The following NXPE4 variants were observed in gnomAD, a reference collection of about 807,000 sequenced individuals.
NXPE4 encodes the protein neurexophilin and PC-esterase domain family member 4, also known as NXPE family member 4.
In NXPE4, 42 loss-of-function variants were observed where a neutral mutation model predicts 33.3. That is an observed-to-expected ratio of 1.26 (90% CI 0.98 to 1.63). The LOEUF (loss-of-function observed/expected upper bound fraction) is 1.63, where lower values mean the gene tolerates loss of function less well. Ranked by LOEUF, NXPE4 falls within the 40% of genes most tolerant of loss-of-function variation. NXPE4 has a pLI of 0.00. For missense variants in NXPE4, 709 were observed against 647.6 expected (o/e 1.09, Z -1.03); for synonymous variants, 253 against 234.9 (o/e 1.08, Z -0.71).
At chr11:114,596,626 T>G (rs1384349778), upstream of NXPE4, among the ~76,000 whole-genome samples, 1 of 152,212 alleles carries the variant, frequency 6.6e-6, no homozygotes, top group African/African-American at 2.4e-5. Context: ...TTGATGACCT[T>G]TGGAAAAGCT....
At chr11:114,629,018 T>G in the NXPE4 span, among the ~76,000 whole-genome samples, 1 of 152,002 alleles carries the variant, frequency 6.6e-6, no homozygotes, top group African/African-American at 2.4e-5. Context: ...TCTGAAATTG[T>G]GGCAATAATC....
At chr11:114,616,376 A>G in the NXPE4 span, among the ~76,000 whole-genome samples, 1 of 150,894 alleles carries the variant, frequency 6.6e-6, no homozygotes, top group African/African-American at 2.5e-5. Context: ...ACTGTTACCC[A>G]GTGGAAAATA....
chr11:114,648,544 G>C, the NXPE4 span, among the ~76,000 whole-genome samples: 1 of 152,098 alleles, frequency 6.6e-6, no homozygotes, highest in African/African-American at 2.4e-5. Context: ...CACTCTTATA[G>C]AAACACCCAG....
chr11:114,617,423 G>A, the NXPE4 span, among the ~76,000 whole-genome samples: 19 of 140,236 alleles, frequency 1.4e-4, no homozygotes, highest in South Asian at 9.3e-4. Context: ...CACTGTTACC[G>A]GGTGGATAAT....
chr11:114,642,060 G>C, the NXPE4 span, among the ~76,000 whole-genome samples: 1 of 151,996 alleles, frequency 6.6e-6, no homozygotes, highest in Non-Finnish European at 1.5e-5. Flanking sequence ...AAAGAATACA[G>C]CATGGAAAAG....
chr11:114,584,128 C>A, intron 2 of NXPE4: 1 of 290,160 alleles, frequency 3.4e-6, no homozygotes, highest in Non-Finnish European at 6.8e-6. Flanking sequence ...AGAGTGTCAA[C>A]CTGCCTATGT....
rs549986778 is a variant in NXPE4, at chr11:114,582,563, A to G, written c.555T>C (p.Ser185=). The change falls in exon 3 of 6, where the codon AGT becomes AGC. Residue 185 remains serine, a synonymous_variant. Transcript: ENST00000375478. The part of the protein sequence containing the change: ...VSLSLLLIHP[S]EGVSALWSAR... ...CACTCCAGAGAGCTGACACCCCTTC[A>G]CTGGGGTGGATGAGCAGCAGAGACA... is the stretch of plus-strand genomic sequence containing the variant. 2.0e-5 allele frequency: 32 copies of G among 1,614,124 alleles called. No homozygotes were observed. Among genetic ancestry groups the G allele is most frequent in the South Asian group, 1.5e-4 (14 of 91,060 alleles).
At chr11:114,637,742 T>C in the NXPE4 span, among the ~76,000 whole-genome samples, 2 of 151,626 alleles carry the variant, frequency 1.3e-5, no homozygotes, top group African/African-American at 2.4e-5. Flanking sequence ...TGGCTGGATA[T>C]GAAATTCTGG....
the NXPE4 span, among the ~76,000 whole-genome samples, chr11:114,632,045 A>G: frequency 6.9e-6 from 1 of 144,940 alleles, no homozygotes; most frequent in African/African-American, 2.5e-5. Flanking sequence ...TATAATATAT[A>G]ATTTAATAAT....
intron 5 of NXPE4, among the ~76,000 whole-genome samples, chr11:114,578,468 T>C (rs1357333163): frequency 6.6e-6 from 1 of 152,220 alleles, no homozygotes; most frequent in Admixed American, 6.5e-5. Flanking sequence ...CTGAATTTTG[T>C]AGATGAGGTA....
At chr11:114,591,172 G>T (rs1591353524) in intron 2 of NXPE4, among the ~76,000 whole-genome samples, 1 of 152,180 alleles carries the variant, frequency 6.6e-6, no homozygotes, top group Admixed American at 6.5e-5. Flanking sequence ...TATTGAAAGT[G>T]CACCTCTCTA....
At chr11:114,609,651 G>T in the NXPE4 span, among the ~76,000 whole-genome samples, 1 of 151,494 alleles carries the variant, frequency 6.6e-6, no homozygotes, top group African/African-American at 2.4e-5. Context: ...TGGCCTCGTG[G>T]GTAACGACTA....
chr11:114,660,408 T>C, the NXPE4 span, among the ~76,000 whole-genome samples: 4 of 152,024 alleles, frequency 2.6e-5, no homozygotes, highest in African/African-American at 9.7e-5. Context: ...ATGGATAATA[T>C]ATCCTGACAA....
chr11:114,653,609 G>A, the NXPE4 span, among the ~76,000 whole-genome samples: 1 of 145,420 alleles, frequency 6.9e-6, no homozygotes, highest in Non-Finnish European at 1.5e-5. Flanking sequence ...CTCACTGCAA[G>A]CTTCAACTTC....
chr11:114,670,272 C>G, the NXPE4 span, among the ~76,000 whole-genome samples: 1 of 152,012 alleles, frequency 6.6e-6, no homozygotes, highest in African/African-American at 2.4e-5. Flanking sequence ...TCAAAGAGAG[C>G]CTTGATAAAA....
the NXPE4 span, among the ~76,000 whole-genome samples, chr11:114,672,113 A>G: frequency 3.9e-5 from 6 of 151,970 alleles, 1 homozygote; most frequent in Admixed American, 2.0e-4. Context: ...TGAGAACTCT[A>G]GTACAAGAAC....
At chr11:114,636,241 T>C in the NXPE4 span, among the ~76,000 whole-genome samples, 2 of 152,090 alleles carry the variant, frequency 1.3e-5, no homozygotes, top group Non-Finnish European at 2.9e-5. Flanking sequence ...ATTCTCTAGT[T>C]TATTTGCGTA....
the NXPE4 span, among the ~76,000 whole-genome samples, chr11:114,670,892 G>C: frequency 6.6e-6 from 1 of 151,340 alleles, no homozygotes; most frequent in Non-Finnish European, 1.5e-5. Flanking sequence ...CCTCTGAGAG[G>C]GCCAAGTTGT....
At chr11:114,575,430 A>G (rs1948975411) in intron 5 of NXPE4, among the ~76,000 whole-genome samples, 1 of 152,084 alleles carries the variant, frequency 6.6e-6, no homozygotes, top group Admixed American at 6.6e-5. Flanking sequence ...ATGATAGTAT[A>G]CCTAGAAAAC....
Sources: allele counts gnomAD v4.1 joint callset (sites outside exome capture counted in the v4.1 genomes callset), GRCh38; gene constraint gnomAD v4.1.1; transcripts MANE v1.5; gene names NCBI Gene and HGNC (gene_info 2026-07-23, HGNC 2026-07-21).